DHRS2: variants seen among roughly 807,000 people sequenced by gnomAD.
DHRS2 encodes the protein dehydrogenase/reductase SDR family member 2, mitochondrial.
Under a neutral mutation model 26.3 loss-of-function variants are expected in DHRS2, and 29 were observed. The observed-to-expected ratio is 1.10, with a 90% CI of 0.82 to 1.50. DHRS2 has a LOEUF of 1.50. Among genes scored for constraint, DHRS2 ranks in the 40% most tolerant of loss-of-function variants. The probability of loss-of-function intolerance (pLI) is 0.00; values close to 1 mark genes in which losing one functional copy is unlikely to be tolerated. For missense variants in DHRS2, 439 were observed against 367.1 expected (o/e 1.20, Z -1.60); for synonymous variants, 164 against 151.3 (o/e 1.08, Z -0.62).
intron 4 of DHRS2, 123 bp downstream of exon 4, chr14:23,640,018 G>A: frequency 1.1e-6 from 1 of 913,952 alleles, no homozygotes; most frequent in Non-Finnish European, 1.5e-6. Context: ...GCAGGCCCTG[G>A]GTGGTAGTCC....
At chr14:23,631,174 G>GT (rs2138352127) in intron 1 of DHRS2, among the ~76,000 whole-genome samples, 1 of 152,096 alleles carries the variant, frequency 6.6e-6, no homozygotes, top group East Asian at 1.9e-4. Flanking sequence ...AAATACTTCA[G>GT]TTTTTTTCAG....
Position 23,644,504 on chromosome 14 carries a change from C to G in DHRS2, c.636C>G (p.Cys212Trp). The change falls in exon 7 of 9, where the codon TGC becomes TGG. Residue 212 changes from cysteine to tryptophan, a missense_variant. Cys to Trp is a radical substitution (Grantham distance 215, BLOSUM62 -2). Transcript: ENST00000250383. ...CCCCCAAGGACATCCGGGTAAACTG[C>G]GTGGTTCCAGGAATTATCAAAACTG... is the stretch of plus-strand genomic sequence containing the variant. ...ELAPKDIRVN[C>W]VVPGIIKTDF... 3 of 1,614,214 alleles carry G rather than the reference C, an allele frequency of 1.9e-6. No individual in the cohort carries two copies. Among genetic ancestry groups the G allele is most frequent in the Non-Finnish European group, 2.5e-6 (3 of 1,180,038 alleles).
chr14:23,643,151 G>T lies in DHRS2; in HGVS notation c.421-1G>T. 6.2e-7 allele frequency: 1 copy of T among 1,614,052 alleles called. No homozygotes were observed. The highest frequency in any genetic ancestry group is 8.5e-7 in the Non-Finnish European group (1 of 1,179,994). On this transcript the variant is annotated splice_acceptor_variant, in intron 4 of 8. Transcript: ENST00000250383. LOFTEE classifies it high-confidence loss of function. ...TCACCCATGCTCTGCTCTGATTTCA[G>T]ATCCTAAGTGTGAACGTGAAGTCCC...
chr14:23,635,870 C>T (rs1373148166), upstream of DHRS2, among the ~76,000 whole-genome samples: 2 of 152,216 alleles, frequency 1.3e-5, no homozygotes, highest in African/African-American at 2.4e-5. Context: ...GTGGGCCGGC[C>T]GGTGCCAGCT....
chr14:23,637,710 A>C (rs1890393976), intron 1 of DHRS2, among the ~76,000 whole-genome samples: 1 of 152,024 alleles, frequency 6.6e-6, no homozygotes, highest in African/African-American at 2.4e-5. Flanking sequence ...AGGGTGCAGC[A>C]CTCTATGTCT....
intron 1 of DHRS2, among the ~76,000 whole-genome samples, chr14:23,630,633 G>C (rs1890094188): frequency 6.6e-6 from 1 of 152,242 alleles, no homozygotes; most frequent in African/African-American, 2.4e-5. Context: ...TGAGGACCAT[G>C]ACCCATGACA....
intron 1 of DHRS2, among the ~76,000 whole-genome samples, chr14:23,637,179 A>T (rs1013336220): frequency 6.6e-6 from 1 of 152,084 alleles, no homozygotes; most frequent in African/African-American, 2.4e-5. Flanking sequence ...TGCCAGACAA[A>T]CTTTCTCTCT....
upstream of DHRS2, among the ~76,000 whole-genome samples, chr14:23,632,954 T>C (rs561371428): frequency 6.6e-6 from 1 of 152,242 alleles, no homozygotes; most frequent in East Asian, 1.9e-4. Context: ...AACCACTCCT[T>C]CCCTCCCTCT....
chr14:23,630,224 G>A (rs893716810), exon 1 of DHRS2: 1 of 152,300 alleles, frequency 6.6e-6, no homozygotes, highest in African/African-American at 2.4e-5. Flanking sequence ...AGACAGACAG[G>A]TGCACAGCCA....
At chr14:23,642,623 G>C (rs1242951627) in intron 4 of DHRS2, 1 of 154,286 alleles carries the variant, frequency 6.5e-6, no homozygotes, top group Non-Finnish European at 1.4e-5. Flanking sequence ...CTGGAGTGCA[G>C]TGGCATGATC....
chr14:23,634,632 T>C (rs1463155497), upstream of DHRS2, among the ~76,000 whole-genome samples: 4 of 152,240 alleles, frequency 2.6e-5, no homozygotes, highest in African/African-American at 9.6e-5. Flanking sequence ...AGCTCATTCA[T>C]TTTCATTATT....
At chr14:23,643,486 C>G (rs1890752056) in intron 5 of DHRS2, 1 of 463,088 alleles carries the variant, frequency 2.2e-6, no homozygotes, top group African/African-American at 2.0e-5. Flanking sequence ...TGCTTTAACT[C>G]CTTGACCTTG....
chr14:23,640,459 T>A, intron 4 of DHRS2: 2 of 985,298 alleles, frequency 2.0e-6, no homozygotes, highest in Non-Finnish European at 2.4e-6. Flanking sequence ...TTCTGCTACC[T>A]TGTCCACAAG....
chr14:23,641,671 T>C, intron 4 of DHRS2: 1 of 1,289,852 alleles, frequency 7.8e-7, no homozygotes, highest in South Asian at 1.2e-5. Flanking sequence ...ATTAGGGACC[T>C]CAGGGTGGTA....
Position 23,639,309 on chromosome 14 carries a change from G to T in DHRS2, c.271G>T (p.Val91Leu). 6.3e-7 allele frequency: 1 copy of T among 1,592,330 alleles called. No individual in the cohort carries two copies. Among genetic ancestry groups the T allele is most frequent in the Non-Finnish European group, 8.5e-7 (1 of 1,170,012 alleles). Residue 91 changes from valine (V) to leucine (L), a missense_variant, in exon 3 of 9, where the codon GTG (valine) becomes TTG (leucine). Coordinates refer to ENST00000250383, the MANE Select transcript of DHRS2 (RefSeq NM_005794.4). ...GGAGGGGCTGAGTGTGGCGGGCATT[G>T]TGTGCCACGTGGGGAAGGCTGAGGA... ...QGEGLSVAGIVCHVGKAEDRE... is the reference protein window; with the variant it reads ...QGEGLSVAGILCHVGKAEDRE...
chr14:23,645,233 G>A lies in DHRS2; in HGVS notation c.823G>A (p.Gly275Ser), dbSNP rs201449132. ...YVNGENIAVA[G>S]YSTRL ...CAACGGGGAGAACATTGCGGTGGCA[G>A]GCTACTCCACTCGGCTCTGAGAGGA... is the stretch of plus-strand genomic sequence containing the variant. Residue 275 changes from glycine (G) to serine (S), a missense_variant, in exon 9 of 9, where the codon GGC becomes AGC. Gly to Ser is a moderately conservative substitution (Grantham distance 56). Transcript: ENST00000250383. 15 of 1,614,168 alleles carry A rather than the reference G, an allele frequency of 9.3e-6. No homozygotes were observed. In the African/African-American group the frequency reaches 1.9e-4, roughly 20 times the overall value.
At position 23,638,960 on chromosome 14, in the gene DHRS2, C is replaced by T. The variant is rs368193807; in HGVS notation, c.96C>T (p.Gly32=). 52 of 1,613,870 alleles carry T rather than the reference C, an allele frequency of 3.2e-5. No homozygotes were observed. Among genetic ancestry groups the T allele is most frequent in the Admixed American group, 1.2e-4 (7 of 60,010 alleles). Residue 32 remains glycine (G), a synonymous_variant, in exon 2 of 9, where the codon GGC becomes GGT. Coordinates refer to ENST00000250383, the MANE Select transcript of DHRS2 (RefSeq NM_005794.4). ...GCAGCACCGGGATAGACAGGAAGGG[C>T]GTCCTGGCTAACCGGGTAGCCGTGG... is the stretch of plus-strand genomic sequence containing the variant. ...RMSSTGIDRK[G]VLANRVAVVT... is the part of the protein sequence containing the mutation.
intron 5 of DHRS2, chr14:23,643,872 GA>G (rs968515138): frequency 6.2e-5 from 34 of 548,964 alleles, no homozygotes; most frequent in African/African-American, 5.5e-4. Context: ...GGAAGCAGAA[GA>G]TAAGGGTTCT....
chr14:23,634,545 T>C (rs1890214360), upstream of DHRS2, among the ~76,000 whole-genome samples: 2 of 152,206 alleles, frequency 1.3e-5, no homozygotes. Context: ...TCAAATAATA[T>C]GTATTCTTTT....
Sources: gnomAD v4.1 joint callset for allele counts (sites outside exome capture counted in the v4.1 genomes callset) on GRCh38, gnomAD v4.1.1 for gene constraint, MANE v1.5 for transcripts, NCBI Gene and HGNC (gene_info 2026-07-23, HGNC 2026-07-21) for gene names.